PDE3A: variants seen among roughly 807,000 people sequenced by gnomAD.
PDE3A encodes the protein cGMP-inhibited 3',5'-cyclic phosphodiesterase 3A.
PDE3A carries 43 observed loss-of-function variants against 98.3 expected under a neutral mutation model. The ratio of observed to expected loss-of-function variants is 0.44; its 90% CI spans 0.34 to 0.56. PDE3A has a LOEUF of 0.56. Among genes scored for constraint, PDE3A ranks in the 20% least tolerant of loss-of-function variants. The pLI is 0.01. For synonymous variants in PDE3A, 663 were observed against 567.9 expected (o/e 1.17, Z -2.38); for missense variants, 1,427 against 1,440.7 (o/e 0.99, Z 0.15).
chr12:20,478,479 G>C (rs1195683306), intron 1 of PDE3A, among the ~76,000 whole-genome samples: 1 of 152,146 alleles, frequency 6.6e-6, no homozygotes. Context: ...CCTGCCTTCA[G>C]TGAGCCCCTG....
intron 2 of PDE3A, among the ~76,000 whole-genome samples, chr12:20,602,917 C>T (rs1943625556): frequency 1.3e-5 from 2 of 152,156 alleles, no homozygotes; most frequent in Admixed American, 6.5e-5. Context: ...TGCAATTTTG[C>T]TGTCTCTGAG....
intron 5 of PDE3A, among the ~76,000 whole-genome samples, chr12:20,624,810 C>T (rs1944221303): frequency 6.6e-6 from 1 of 152,206 alleles, no homozygotes; most frequent in Admixed American, 6.5e-5. Flanking sequence ...AAAATCCTTG[C>T]TTCCCTGTTT....
chr12:20,369,934 T>C lies in PDE3A; in HGVS notation c.650T>C (p.Leu217Ser). 6.2e-7 allele frequency: 1 copy of C among 1,613,470 alleles called. No homozygotes were observed. ...RLRLGVLMIA[L>S]TSAVRTVSLI... The stretch of plus-strand genomic sequence containing the variant: ...AGGCTGGGCGTCCTCATGATCGCCT[T>C]GACTAGCGCGGTCAGGACCGTGTCC... The change falls in exon 1 of 16, where the codon TTG (leucine) becomes TCG (serine). Residue 217 changes from leucine to serine, a missense_variant. By Grantham distance (145) the Leu-to-Ser change is moderately radical. Coordinates refer to ENST00000359062, the MANE Select transcript of PDE3A (RefSeq NM_000921.5).
intron 2 of PDE3A, among the ~76,000 whole-genome samples, chr12:20,594,545 T>G (rs201478447): frequency 2.0e-5 from 3 of 151,806 alleles, no homozygotes; most frequent in Admixed American, 2.0e-4. Flanking sequence ...TTTTTTTTTT[T>G]GCTGAGCCTG....
intron 5 of PDE3A, among the ~76,000 whole-genome samples, chr12:20,628,673 G>A (rs1241594925): frequency 6.6e-6 from 1 of 152,194 alleles, no homozygotes; most frequent in African/African-American, 2.4e-5. Flanking sequence ...GAAAGAACTA[G>A]AAGGGGTTGC....
chr12:20,536,255 T>G (rs1941745348), intron 1 of PDE3A, among the ~76,000 whole-genome samples: 1 of 152,106 alleles, frequency 6.6e-6, no homozygotes, highest in African/African-American at 2.4e-5. Context: ...TATTCCTCAA[T>G]ATTTTTAACA....
chr12:20,486,129 G>A (rs11830309), intron 1 of PDE3A, among the ~76,000 whole-genome samples: 1 of 152,156 alleles, frequency 6.6e-6, no homozygotes, highest in Non-Finnish European at 1.5e-5. Flanking sequence ...GCATATATTA[G>A]TCTGTTTTCA....
At position 20,538,694 on chromosome 12, in the gene PDE3A, G is replaced by A. The variant is rs145465446; in HGVS notation, c.961-17966G>A. Among the ~76,000 whole-genome samples, 307 of 152,254 alleles carry A rather than the reference G, an allele frequency of 2.0e-3. 4 individuals carry two copies. Among genetic ancestry groups the A allele is most frequent in the Non-Finnish European group, 1.6e-4 (11 of 68,002 alleles). ...TTCTTTACTACTTGTGTATTCAACA[G>A]TAGAATTTTAAAAATCAACTCCTTA... On this transcript the variant is annotated intron_variant, in intron 1 of 15. Coordinates refer to ENST00000359062, the MANE Select transcript of PDE3A (RefSeq NM_000921.5).
chr12:20,516,393 G>T (rs1302152590), intron 1 of PDE3A, among the ~76,000 whole-genome samples: 1 of 152,104 alleles, frequency 6.6e-6, no homozygotes, highest in Non-Finnish European at 1.5e-5. Context: ...TGCTTGATTT[G>T]TATCTTTCAA....
intron 1 of PDE3A, among the ~76,000 whole-genome samples, chr12:20,510,492 T>C (rs1321396795): frequency 1.3e-5 from 2 of 152,076 alleles, no homozygotes; most frequent in Non-Finnish European, 2.9e-5. Flanking sequence ...AAAGTAGTTT[T>C]AGAGATAAAA....
At chr12:20,619,164 A>G (rs201924325) in intron 4 of PDE3A, among the ~76,000 whole-genome samples, 2 of 121,106 alleles carry the variant, frequency 1.7e-5, no homozygotes, top group African/African-American at 6.2e-5. Flanking sequence ...TAATGCATTT[A>G]TATATAATAC....
chr12:20,522,862 G>T (rs1415542048), intron 1 of PDE3A, among the ~76,000 whole-genome samples: 1 of 152,048 alleles, frequency 6.6e-6, no homozygotes, highest in Admixed American at 6.6e-5. Context: ...TTTTAGAAAA[G>T]TTGTTTCAAA....
intron 2 of PDE3A, among the ~76,000 whole-genome samples, chr12:20,602,032 T>G (rs11045325): frequency 0.02 from 3,018 of 152,328 alleles, 85 homozygotes; most frequent in African/African-American, 0.068. Flanking sequence ...TTCCTATCAT[T>G]TTTTAAAACT....
intron 1 of PDE3A, among the ~76,000 whole-genome samples, chr12:20,420,061 T>A (rs1944486317): frequency 2.0e-5 from 3 of 152,174 alleles, no homozygotes; most frequent in Admixed American, 6.5e-5. Context: ...AGTTTAGGAA[T>A]TTTTTAAAAA....
intron 2 of PDE3A, among the ~76,000 whole-genome samples, chr12:20,582,315 C>A (rs918584897): frequency 6.6e-6 from 1 of 152,006 alleles, no homozygotes; most frequent in Admixed American, 6.5e-5. Context: ...ACCTCAGACC[C>A]AAGTAGCTGG....
chr12:20,671,321 A>G (rs1465581713), intron 15 of PDE3A, among the ~76,000 whole-genome samples: 2 of 151,398 alleles, frequency 1.3e-5, no homozygotes, highest in Admixed American at 6.6e-5. Flanking sequence ...TCAATAGAAA[A>G]ACAGGGAATC....
intron 1 of PDE3A, among the ~76,000 whole-genome samples, chr12:20,431,215 A>G (rs1047513707): frequency 2.0e-5 from 3 of 152,186 alleles, no homozygotes; most frequent in African/African-American, 7.2e-5. Context: ...ACAGAATGAA[A>G]TGAGGCTGTA....
intron 1 of PDE3A, among the ~76,000 whole-genome samples, chr12:20,382,747 G>T (rs146033035): frequency 6.6e-6 from 1 of 152,020 alleles, no homozygotes; most frequent in Non-Finnish European, 1.5e-5. Flanking sequence ...ACGTTGCAAA[G>T]GTTAAATTAA....
chr12:20,560,461 G>C (rs1942485547), intron 2 of PDE3A, among the ~76,000 whole-genome samples: 1 of 152,040 alleles, frequency 6.6e-6, no homozygotes. Flanking sequence ...AGATGTCTTT[G>C]GGTTTAGTGA....
Sources: allele counts gnomAD v4.1 joint callset (sites outside exome capture counted in the v4.1 genomes callset), GRCh38; gene constraint gnomAD v4.1.1; transcripts MANE v1.5; gene names NCBI Gene and HGNC (gene_info 2026-07-23, HGNC 2026-07-21).